The following CDH12 variants were observed in gnomAD, a reference collection of about 807,000 sequenced individuals.
CDH12 encodes the protein cadherin 12, also known as cadherin-12.
CDH12 carries 41 observed loss-of-function variants against 74.1 expected under a neutral mutation model. The ratio of observed to expected loss-of-function variants is 0.55; its 90% CI spans 0.43 to 0.72. The LOEUF (loss-of-function observed/expected upper bound fraction) is 0.72. Among genes scored for constraint, CDH12 ranks in the 30% least tolerant of loss-of-function variants. The pLI is 0.00. For synonymous variants in CDH12, 399 were observed against 355.0 expected, an observed-to-expected ratio of 1.12 and a Z score of -1.39; for missense variants, 945 against 977.2, an observed-to-expected ratio of 0.97 and a Z score of 0.44.
chr5:21,811,002 T>A (rs954361186), intron 9 of CDH12, among the ~76,000 whole-genome samples: 4 of 152,134 alleles, frequency 2.6e-5, no homozygotes, highest in African/African-American at 9.7e-5. Context: ...ATATGCTCAG[T>A]GGGACCAACT....
chr5:22,224,196 A>G (rs1752114028), intron 3 of CDH12, among the ~76,000 whole-genome samples: 1 of 152,070 alleles, frequency 6.6e-6, no homozygotes, highest in South Asian at 2.1e-4. Context: ...CAAACCCTAC[A>G]GGCACTCTGA....
chr5:22,802,017 A>G (rs1367031139), intron 1 of CDH12, among the ~76,000 whole-genome samples: 1 of 151,908 alleles, frequency 6.6e-6, no homozygotes, highest in Non-Finnish European at 1.5e-5. Context: ...ACTCTTACTA[A>G]ATTGCATTAC....
intron 3 of CDH12, among the ~76,000 whole-genome samples, chr5:22,364,940 A>G (rs1373370): frequency 0.84 from 128,336 of 152,136 alleles, 54,199 homozygotes; most frequent in African/African-American, 0.87. Flanking sequence ...TCATCAAAGA[A>G]AGACAGCAAC....
intron 3 of CDH12, among the ~76,000 whole-genome samples, chr5:22,238,746 A>G (rs4489023): frequency 0.44 from 66,822 of 152,024 alleles, 14,972 homozygotes; most frequent in African/African-American, 0.49. Flanking sequence ...TGGAATCAAA[A>G]TTTATAGAGT....
chr5:21,799,346 A>C (rs991655369), intron 10 of CDH12, among the ~76,000 whole-genome samples: 4 of 152,188 alleles, frequency 2.6e-5, no homozygotes, highest in African/African-American at 9.6e-5. Context: ...AAATAAAAGA[A>C]ATGAAATAAA....
At chr5:22,612,768 G>A (rs946967257) in intron 1 of CDH12, among the ~76,000 whole-genome samples, 12 of 152,122 alleles carry the variant, frequency 7.9e-5, no homozygotes, top group African/African-American at 2.4e-4. Flanking sequence ...CCCTGCTTAT[G>A]TGTGAGATTT....
chr5:22,471,101 C>CT (rs200066862), intron 2 of CDH12, among the ~76,000 whole-genome samples: 1 of 151,474 alleles, frequency 6.6e-6, no homozygotes, highest in Non-Finnish European at 1.5e-5. Context: ...CTAGGATAAT[C>CT]TCTTTCTCGG....
intron 1 of CDH12, among the ~76,000 whole-genome samples, chr5:22,519,553 A>T (rs1463616799): frequency 6.6e-6 from 1 of 151,464 alleles, no homozygotes; most frequent in Non-Finnish European, 1.5e-5. Flanking sequence ...CCTCCTGAGT[A>T]GCTGGGACTA....
rs145598546 is a variant in CDH12 at position 22,510,379 on chromosome 5, G to GA, written c.-522-5016dup. ...ATAAAAAAATTGTTATAAAAATATG[G>GA]AAAAAAAACGTATGTTATTGGCATA... is the stretch of plus-strand genomic sequence containing the variant. On this transcript the variant is annotated intron_variant, in intron 1 of 14. Transcript: ENST00000382254. 9.3e-3 allele frequency among the ~76,000 whole-genome samples: 1,414 copies of GA among 151,726 alleles called. 19 individuals carry two copies. The highest frequency in any genetic ancestry group is 0.033 in the African/African-American group (1,346 of 41,350).
intron 5 of CDH12, among the ~76,000 whole-genome samples, chr5:22,047,181 C>T (rs536554587): frequency 6.6e-6 from 1 of 152,310 alleles, no homozygotes; most frequent in South Asian, 2.1e-4. Flanking sequence ...GAGCTATTCT[C>T]TAGCTCACAC....
chr5:22,799,945 A>C (rs146259245), intron 1 of CDH12, among the ~76,000 whole-genome samples: 1 of 152,260 alleles, frequency 6.6e-6, no homozygotes. Flanking sequence ...CTGTTAGAAA[A>C]TCTGAATGTA....
chr5:22,236,615 C>A (rs1021097104), intron 3 of CDH12, among the ~76,000 whole-genome samples: 1 of 152,008 alleles, frequency 6.6e-6, no homozygotes, highest in African/African-American at 2.4e-5. Context: ...GACATTCTAG[C>A]GCAGGCCTGT....
intron 2 of CDH12, among the ~76,000 whole-genome samples, chr5:22,473,350 A>C (rs1746045054): frequency 6.6e-6 from 1 of 152,154 alleles, no homozygotes; most frequent in Admixed American, 6.6e-5. Flanking sequence ...ATTAAATATT[A>C]TCTCTCTACT....
intron 5 of CDH12, among the ~76,000 whole-genome samples, chr5:22,000,289 T>C (rs1295601157): frequency 6.6e-6 from 1 of 152,128 alleles, no homozygotes; most frequent in African/African-American, 2.4e-5. Flanking sequence ...TGCTTAATGT[T>C]TTTTGGTTAT....
intron 9 of CDH12, 146 bp from the exon 10 acceptor site, chr5:21,802,566 G>A (rs1747180127): frequency 8.2e-6 from 5 of 612,490 alleles, no homozygotes; most frequent in East Asian, 5.7e-5. Flanking sequence ...GTGGGTAAGG[G>A]CAGCACAAGG....
intron 1 of CDH12, among the ~76,000 whole-genome samples, chr5:22,808,727 G>C (rs1460406137): frequency 2.4e-5 from 3 of 125,840 alleles, no homozygotes; most frequent in Non-Finnish European, 4.8e-5. Context: ...GCCTCAGCCT[G>C]TAGCTGAGAC....
intron 3 of CDH12, among the ~76,000 whole-genome samples, chr5:22,286,636 CA>C (rs1737146839): frequency 6.6e-6 from 1 of 150,866 alleles, no homozygotes. Context: ...TTTATCTGCA[CA>C]GCATTTTCAG....
chr5:22,470,899 G>C (rs1745933724), intron 2 of CDH12, among the ~76,000 whole-genome samples: 2 of 145,742 alleles, frequency 1.4e-5, no homozygotes, highest in Non-Finnish European at 3.0e-5. Flanking sequence ...CTGCTACTCT[G>C]CACCCGTATC....
At chr5:22,087,237 T>C (rs1743125510) in intron 4 of CDH12, among the ~76,000 whole-genome samples, 1 of 152,118 alleles carries the variant, frequency 6.6e-6, no homozygotes. Flanking sequence ...ACTATCCTAA[T>C]ATAAGATGTA....
Sources: gnomAD v4.1 joint callset for allele counts (sites outside exome capture counted in the v4.1 genomes callset) on GRCh38, gnomAD v4.1.1 for gene constraint, MANE v1.5 for transcripts, NCBI Gene and HGNC (gene_info 2026-07-23, HGNC 2026-07-21) for gene names.